PPM1L: variants seen among roughly 807,000 people sequenced by gnomAD.
The protein encoded by PPM1L is protein phosphatase 1L.
Under a neutral mutation model 31.4 loss-of-function variants are expected in PPM1L, and 13 were observed. The observed-to-expected ratio is 0.41, with a 90% confidence interval of 0.27 to 0.66. PPM1L has a LOEUF of 0.66. Among genes scored for constraint, PPM1L ranks in the 30% least tolerant of loss-of-function variants. PPM1L has a pLI of 0.29. For missense variants in PPM1L, 326 were observed against 453.7 expected (o/e 0.72, Z 2.56); for synonymous variants, 184 against 175.4 (o/e 1.05, Z -0.39).
At chr3:160,897,826 A>G (rs1276635961) in intron 1 of PPM1L, among the ~76,000 whole-genome samples, 1 of 152,240 alleles carries the variant, frequency 6.6e-6, no homozygotes, top group African/African-American at 2.4e-5. Context: ...GCATATTTTA[A>G]TAACAATACT....
chr3:161,007,171 A>C (rs1717741746), intron 2 of PPM1L, among the ~76,000 whole-genome samples: 1 of 152,228 alleles, frequency 6.6e-6, no homozygotes, highest in Non-Finnish European at 1.5e-5. Context: ...TGGAGGGGGC[A>C]CATTAAACAA....
chr3:160,921,107 T>G (rs1714387025), intron 1 of PPM1L, among the ~76,000 whole-genome samples: 1 of 152,222 alleles, frequency 6.6e-6, no homozygotes, highest in African/African-American at 2.4e-5. Context: ...TTCCTGCTTT[T>G]CACTATAGTA....
At position 160,969,570 on chromosome 3, in the gene PPM1L, C is replaced by A. The variant is rs189687854; in HGVS notation, c.574+7660C>A. On this transcript the variant is annotated intron_variant, in intron 2 of 3. Transcript: ENST00000498165. ...AAAGGCATTTGCAGGAAGTTCTTCA[C>A]TCCAACAAATAGAGTGAATTTCTCA... Among the ~76,000 whole-genome samples the A allele has an allele frequency of 2.2e-3, 335 of 152,300 alleles. 1 individual carries two copies. Among genetic ancestry groups the A allele is most frequent in the African/African-American group, 7.6e-3 (315 of 41,566 alleles).
At chr3:160,947,351 C>T (rs935070510) in intron 1 of PPM1L, among the ~76,000 whole-genome samples, 5 of 152,128 alleles carry the variant, frequency 3.3e-5, no homozygotes, top group African/African-American at 9.7e-5. Context: ...CTTCTATTCA[C>T]CCATGGCTCT....
chr3:160,920,019 G>A (rs1576714137), intron 1 of PPM1L, among the ~76,000 whole-genome samples: 1 of 152,200 alleles, frequency 6.6e-6, no homozygotes, highest in East Asian at 1.9e-4. Context: ...AATGGGTCCT[G>A]GGAACATGGG....
At chr3:160,844,157 A>G (rs1279023356) in intron 1 of PPM1L, among the ~76,000 whole-genome samples, 2 of 152,216 alleles carry the variant, frequency 1.3e-5, no homozygotes, top group Admixed American at 6.5e-5. Flanking sequence ...GTGACTACAC[A>G]TCCTTATTTG....
At chr3:160,868,212 T>C (rs981793100) in intron 1 of PPM1L, among the ~76,000 whole-genome samples, 4 of 152,210 alleles carry the variant, frequency 2.6e-5, no homozygotes, top group Non-Finnish European at 5.9e-5. Context: ...GCTGTTTTTC[T>C]GTGTACAAAT....
At chr3:161,021,618 G>T (rs1177083791) in intron 2 of PPM1L, among the ~76,000 whole-genome samples, 1 of 151,984 alleles carries the variant, frequency 6.6e-6, no homozygotes, top group East Asian at 1.9e-4. Flanking sequence ...GTGGAAGTGA[G>T]ATTTTGAAGT....
chr3:160,774,587 C>A (rs1711516718), intron 1 of PPM1L, among the ~76,000 whole-genome samples: 1 of 152,148 alleles, frequency 6.6e-6, no homozygotes, highest in South Asian at 2.1e-4. Flanking sequence ...TTATCTTATT[C>A]AATCTTACCT....
chr3:160,825,272 T>G (rs1390260446), intron 1 of PPM1L, among the ~76,000 whole-genome samples: 5 of 152,104 alleles, frequency 3.3e-5, no homozygotes, highest in Non-Finnish European at 7.4e-5. Context: ...AACCGTAAGG[T>G]GTCAAAAATC....
chr3:160,980,123 G>A (rs1716745338), intron 2 of PPM1L, among the ~76,000 whole-genome samples: 1 of 152,062 alleles, frequency 6.6e-6, no homozygotes, highest in Non-Finnish European at 1.5e-5. Context: ...TCGGTAGCAT[G>A]CTGGTGGGGA....
At chr3:160,886,629 A>G (rs1054206774) in intron 1 of PPM1L, among the ~76,000 whole-genome samples, 1 of 152,204 alleles carries the variant, frequency 6.6e-6, no homozygotes, top group East Asian at 1.9e-4. Flanking sequence ...GGACCTGACC[A>G]TTGAAAGAAA....
intron 1 of PPM1L, among the ~76,000 whole-genome samples, chr3:160,839,407 A>C (rs1299832937): frequency 6.6e-6 from 1 of 152,134 alleles, no homozygotes; most frequent in Admixed American, 6.6e-5. Context: ...CTGGATTGTA[A>C]GGGGAAGTAA....
intron 2 of PPM1L, among the ~76,000 whole-genome samples, chr3:160,969,598 A>G (rs13098884): frequency 0.37 from 56,020 of 152,106 alleles, 12,943 homozygotes; most frequent in Non-Finnish European, 0.52. Flanking sequence ...ATTTCTCAGT[A>G]TATTTCTCAA....
chr3:160,856,765 C>T (rs1711719271), intron 1 of PPM1L, among the ~76,000 whole-genome samples: 1 of 151,740 alleles, frequency 6.6e-6, no homozygotes, highest in Admixed American at 6.6e-5. Flanking sequence ...ATGTAATTTA[C>T]CTGTATAACA....
chr3:160,814,355 G>A lies in PPM1L; in HGVS notation c.399+57648G>A, dbSNP rs961860352. On this transcript the variant is annotated intron_variant, in intron 1 of 3. Transcript: ENST00000498165. ...GATGATTCAAAGTGACGGACTTGTC[G>A]TTATATGAAAAAGACACTCGCACAT... Among the ~76,000 whole-genome samples, 8 of 152,076 alleles carry A rather than the reference G, an allele frequency of 5.3e-5. No homozygotes were observed. The South Asian group carries it at 1.2e-3, about 24-fold the overall frequency.
intron 1 of PPM1L, among the ~76,000 whole-genome samples, chr3:160,904,881 G>C (rs776044448): frequency 6.6e-6 from 1 of 152,190 alleles, no homozygotes; most frequent in Non-Finnish European, 1.5e-5. Context: ...CCTGAGATGT[G>C]AGATGTGAAC....
intron 2 of PPM1L, among the ~76,000 whole-genome samples, chr3:160,997,348 CTG>C (rs1317088623): frequency 1.3e-5 from 2 of 152,170 alleles, no homozygotes; most frequent in African/African-American, 4.8e-5. Context: ...GAGGTGGACT[CTG>C]TTCCTCACCA....
intron 2 of PPM1L, among the ~76,000 whole-genome samples, chr3:161,030,462 C>T (rs2108079467): frequency 6.6e-6 from 1 of 152,296 alleles, no homozygotes; most frequent in East Asian, 1.9e-4. Flanking sequence ...TCTTGGACTT[C>T]CCGGCCTCTA....
Sources: gnomAD v4.1 joint callset for allele counts (sites outside exome capture counted in the v4.1 genomes callset) on GRCh38, gnomAD v4.1.1 for gene constraint, MANE v1.5 for transcripts, NCBI Gene and HGNC (gene_info 2026-07-23, HGNC 2026-07-21) for gene names.